EXOC5: variants seen among roughly 807,000 people sequenced by gnomAD.
EXOC5 encodes the protein SEC10-like 1.
Under a neutral mutation model 90.8 loss-of-function variants are expected in EXOC5, and 17 were observed. The ratio of observed to expected loss-of-function variants is 0.19; its 90% CI spans 0.13 to 0.28. The LOEUF is 0.28. Ranked by LOEUF, EXOC5 falls within the 10% of genes least tolerant of loss-of-function variation. EXOC5 has a pLI of 1.00. For synonymous variants in EXOC5, 260 were observed against 270.0 expected, an observed-to-expected ratio of 0.96 and a Z score of 0.36; for missense variants, 569 against 830.6, an observed-to-expected ratio of 0.69 and a Z score of 3.87.
rs1403684423 is a variant in EXOC5, at chr14:57,206,224, C to T, written c.*2385G>A. On this transcript the variant is annotated 3_prime_UTR_variant, in exon 18 of 18. Transcript: ENST00000621441. ...GTTACCAATTATACAAAGCTCCACT[C>T]TCTACCTAAAATTTTACCATGTGCA... is the stretch of plus-strand genomic sequence containing the variant. 7.6e-6 allele frequency: 2 copies of T among 261,882 alleles called. No homozygotes were observed. Among genetic ancestry groups the T allele is most frequent in the African/African-American group, 4.5e-5 (2 of 43,978 alleles). The allele number at this position is 261,882 out of a possible 1,614,324, so 16.2% of individuals were successfully genotyped here. A position where few individuals can be genotyped will look rare whatever the true frequency, so the allele number is the denominator to read the frequency against.
chr14:57,228,156 C>T (rs370328065), intron 12 of EXOC5, among the ~76,000 whole-genome samples: 7 of 152,152 alleles, frequency 4.6e-5, no homozygotes, highest in East Asian at 1.9e-4. Flanking sequence ...CAATGAGATA[C>T]CATCTCACGC....
Position 57,231,734 on chromosome 14 carries a change from G to A in EXOC5, c.939-19C>T, listed in dbSNP as rs751526606. The A allele has an allele frequency of 1.3e-6, 2 of 1,513,100 alleles. No homozygotes were observed. The highest frequency in any genetic ancestry group is 1.9e-5 in the Admixed American group (1 of 52,716). 93.7% of individuals were successfully genotyped at this position (1,513,100 alleles called of 1,614,324 possible). A position where few individuals can be genotyped will look rare whatever the true frequency, so the allele number is the denominator to read the frequency against. The stretch of plus-strand genomic sequence containing the variant: ...GGTGGTTCTTTTCATGAAAAAGGGG[G>A]AGAAAAAGATTAATATACATTTTAG... On this transcript the variant is annotated intron_variant, in intron 10 of 17. Transcript: ENST00000621441.
chr14:57,261,218 A>C lies in EXOC5; in HGVS notation c.27+7404T>G, dbSNP rs143564120. 4.0e-3 allele frequency among the ~76,000 whole-genome samples: 614 copies of C among 152,318 alleles called. 8 individuals are homozygous for C. Among genetic ancestry groups the C allele is most frequent in the African/African-American group, 0.014 (576 of 41,560 alleles). ...GTTTATTTGCACGGTGTTACATGAAATTGCAATCCACTTTTAAGAGAACAA... is the reference window on the plus strand; with the variant it reads ...GTTTATTTGCACGGTGTTACATGAACTTGCAATCCACTTTTAAGAGAACAA... On this transcript the variant is annotated intron_variant, in intron 1 of 17. Transcript: ENST00000621441.
At chr14:57,267,838 G>A (rs1174151244) in intron 1 of EXOC5, among the ~76,000 whole-genome samples, 1 of 152,156 alleles carries the variant, frequency 6.6e-6, no homozygotes, top group African/African-American at 2.4e-5. Flanking sequence ...CTAGCTTGCA[G>A]TTAGGTGATT....
chr14:57,254,312 G>T (rs1350711769), intron 1 of EXOC5, among the ~76,000 whole-genome samples: 1 of 152,020 alleles, frequency 6.6e-6, no homozygotes, highest in Non-Finnish European at 1.5e-5. Flanking sequence ...GCGAGTGCCT[G>T]TAGTCCCAGC....
chr14:57,242,112 GA>G (rs1160998229), intron 4 of EXOC5, among the ~76,000 whole-genome samples: 4 of 139,600 alleles, frequency 2.9e-5, no homozygotes, highest in Non-Finnish European at 6.1e-5. Flanking sequence ...CAGCCTGGGG[GA>G]CAGAGCGAGA....
intron 1 of EXOC5, among the ~76,000 whole-genome samples, chr14:57,266,729 G>A (rs1008956889): frequency 8.1e-5 from 8 of 98,306 alleles, no homozygotes; most frequent in African/African-American, 3.2e-4. Flanking sequence ...GTGTATGTGT[G>A]TGTGTGTATA....
In EXOC5 at chr14:57,204,963, T is replaced by C. The variant is rs1882606404; in HGVS notation, c.*3646A>G. On this transcript the variant is annotated 3_prime_UTR_variant, in exon 18 of 18. Coordinates refer to ENST00000621441, the MANE Select transcript of EXOC5 (RefSeq NM_006544.4). ...AACGTTACGTAAGGAGAATAGCATA[T>C]AGAACCTAAAAGTGAGTGAGAAAAG... 6.6e-6 allele frequency: 1 copy of C among 151,946 alleles called. No homozygotes were observed. The highest frequency in any genetic ancestry group is 1.5e-5 in the Non-Finnish European group (1 of 67,848). 9.4% of individuals were successfully genotyped at this position (151,946 alleles called of 1,614,324 possible).
intron 13 of EXOC5, among the ~76,000 whole-genome samples, chr14:57,219,856 T>C (rs984110651): frequency 1.3e-5 from 2 of 152,168 alleles, no homozygotes; most frequent in Non-Finnish European, 2.9e-5. Context: ...TACTGTGCTC[T>C]ACACTATCTC....
At chr14:57,253,781 TA>T (rs1377519228) in intron 1 of EXOC5, among the ~76,000 whole-genome samples, 1 of 152,122 alleles carries the variant, frequency 6.6e-6, no homozygotes, top group Non-Finnish European at 1.5e-5. Context: ...TTTCAGCAAA[TA>T]ATGCTGGGAA....
intron 12 of EXOC5, among the ~76,000 whole-genome samples, chr14:57,223,763 A>G (rs1883223274): frequency 6.6e-6 from 1 of 152,154 alleles, no homozygotes; most frequent in Non-Finnish European, 1.5e-5. Flanking sequence ...ATCAGGATAT[A>G]TATTTTTTTC....
chr14:57,250,605 T>C (rs1444832348), intron 1 of EXOC5, among the ~76,000 whole-genome samples: 1 of 152,112 alleles, frequency 6.6e-6, no homozygotes, highest in Non-Finnish European at 1.5e-5. Context: ...GGCTGGGTAA[T>C]AGATTCCTGG....
rs1366316468 is a variant in EXOC5, at chr14:57,203,830, A to G, written c.*4779T>C. Reference sequence around the variant, plus strand: ...TTGACAATTTTAATACATGTTGCACAGTACATATTAATATAGAAAAATACA... The same window carrying G: ...TTGACAATTTTAATACATGTTGCACGGTACATATTAATATAGAAAAATACA... On this transcript the variant is annotated 3_prime_UTR_variant, in exon 18 of 18. Transcript: ENST00000621441. 1 of 152,640 alleles carries G rather than the reference A, an allele frequency of 6.6e-6. No individual in the cohort carries two copies. Among genetic ancestry groups the G allele is most frequent in the Non-Finnish European group, 1.5e-5 (1 of 68,034 alleles). 9.5% of individuals were successfully genotyped at this position (152,640 alleles called of 1,614,324 possible). A position where few individuals can be genotyped will look rare whatever the true frequency, so the allele number is the denominator to read the frequency against.
chr14:57,226,366 CTAAG>C (rs1327223668), intron 12 of EXOC5, among the ~76,000 whole-genome samples: 2 of 152,068 alleles, frequency 1.3e-5, no homozygotes, highest in Non-Finnish European at 2.9e-5. Flanking sequence ...TTTCTATAGA[CTAAG>C]TAAGTTAAAC....
At chr14:57,230,466 T>C (rs974330033) in intron 11 of EXOC5, among the ~76,000 whole-genome samples, 2 of 150,940 alleles carry the variant, frequency 1.3e-5, no homozygotes, top group African/African-American at 4.9e-5. Context: ...CAAATTCCTA[T>C]TATTCATTAG....
Position 57,268,816 on chromosome 14 carries a change from T to C in EXOC5, c.-168A>G, listed in dbSNP as rs547676439. On this transcript the variant is annotated 5_prime_UTR_variant, in exon 1 of 18. The change abolishes an upstream ATG in the 5' untranslated region. Coordinates refer to ENST00000621441, the MANE Select transcript of EXOC5 (RefSeq NM_006544.4). ...CCCAGGAGGGGCGGGAGAGCGGCCA[T>C]GAAGCGAAGCCGCAAACGCTTGTCA... 9 of 1,389,490 alleles carry C rather than the reference T, an allele frequency of 6.5e-6. No individual in the cohort carries two copies. Among genetic ancestry groups the C allele is most frequent in the African/African-American group, 1.5e-5 (1 of 65,434 alleles). The allele number at this position is 1,389,490 out of a possible 1,614,324, so 86.1% of individuals were successfully genotyped here.
intron 12 of EXOC5, among the ~76,000 whole-genome samples, chr14:57,228,773 T>TGCAGCAAACCACCATGGC (rs1269372650): frequency 6.7e-6 from 1 of 148,700 alleles, no homozygotes; most frequent in Non-Finnish European, 1.5e-5. Flanking sequence ...AGTTGATGGG[T>TGCAGCAAACCACCATGGC]GCAGCAAACC....
chr14:57,214,425 T>C (rs1194206172), intron 15 of EXOC5, among the ~76,000 whole-genome samples: 1 of 152,132 alleles, frequency 6.6e-6, no homozygotes, highest in Admixed American at 6.5e-5. Flanking sequence ...TTGAAGCATT[T>C]TTATTTCGGA....
chr14:57,268,272 G>A (rs78820453), intron 1 of EXOC5: 3 of 401,592 alleles, frequency 7.5e-6, no homozygotes, highest in Admixed American at 4.5e-5. Context: ...CTCTTTCCTC[G>A]TCCTGAGTCA....
Sources: gnomAD v4.1 joint callset for allele counts (sites outside exome capture counted in the v4.1 genomes callset) on GRCh38, gnomAD v4.1.1 for gene constraint, MANE v1.5 for transcripts, NCBI Gene and HGNC (gene_info 2026-07-23, HGNC 2026-07-21) for gene names.